Variants in NDST3 observed in about 807,000 individuals in gnomAD.
NDST3 encodes N-deacetylase and N-sulfotransferase 3, also known as bifunctional heparan sulfate N-deacetylase/N-sulfotransferase 3.
A neutral mutation model predicts 96.1 loss-of-function variants in NDST3; 58 were observed. That is an observed-to-expected ratio of 0.60 (90% CI 0.49 to 0.75). The LOEUF (loss-of-function observed/expected upper bound fraction) is 0.75, where lower values mean the gene tolerates loss of function less well. NDST3 is among the 30% of genes least tolerant of loss of function. The pLI, the probability that NDST3 is intolerant of heterozygous loss-of-function variation, is 0.00. For missense variants in NDST3, 788 were observed against 1,034.2 expected, an observed-to-expected ratio of 0.76 and a Z score of 3.27; for synonymous variants, 333 against 359.7, an observed-to-expected ratio of 0.93 and a Z score of 0.84.
intron 4 of NDST3, among the ~76,000 whole-genome samples, chr4:118,115,583 T>C (rs1026148186): frequency 3.9e-5 from 6 of 152,186 alleles, no homozygotes; most frequent in African/African-American, 1.4e-4. Context: ...GGATGGAACA[T>C]TTGTTTGGCT....
chr4:118,051,420 A>T (rs1725069725), intron 1 of NDST3, among the ~76,000 whole-genome samples: 1 of 152,174 alleles, frequency 6.6e-6, no homozygotes, highest in African/African-American at 2.4e-5. Context: ...ACCTAATTAA[A>T]CTAAAGAGCT....
chr4:118,081,269 T>C (rs921087984), intron 2 of NDST3, among the ~76,000 whole-genome samples: 2 of 152,174 alleles, frequency 1.3e-5, no homozygotes, highest in African/African-American at 2.4e-5. Context: ...TATATTAGTT[T>C]CCTTATCTCT....
intron 12 of NDST3, among the ~76,000 whole-genome samples, chr4:118,251,271 C>T (rs1039571123): frequency 7.3e-5 from 11 of 150,844 alleles, no homozygotes; most frequent in South Asian, 4.2e-4. Context: ...GGACTACAGG[C>T]GCCTGCCACC....
At chr4:118,206,502 G>T (rs1738452009) in intron 6 of NDST3, among the ~76,000 whole-genome samples, 1 of 144,444 alleles carries the variant, frequency 6.9e-6, no homozygotes, top group African/African-American at 2.6e-5. Context: ...CTGGAATATA[G>T]GGTGTATGTG....
At chr4:118,252,457 T>C (rs1346154214) in intron 12 of NDST3, among the ~76,000 whole-genome samples, 1 of 152,202 alleles carries the variant, frequency 6.6e-6, no homozygotes, top group East Asian at 1.9e-4. Flanking sequence ...CTAAATGCTA[T>C]AAAATGGGAA....
intron 6 of NDST3, among the ~76,000 whole-genome samples, chr4:118,182,666 T>A (rs1314739107): frequency 6.6e-6 from 1 of 152,150 alleles, no homozygotes; most frequent in African/African-American, 2.4e-5. Flanking sequence ...AAGCCAACAC[T>A]TTGCACTTTC....
At chr4:118,045,457 T>TGA (rs1369733512) in intron 1 of NDST3, among the ~76,000 whole-genome samples, 1 of 152,224 alleles carries the variant, frequency 6.6e-6, no homozygotes, top group African/African-American at 2.4e-5. Flanking sequence ...TTAAATAGCA[T>TGA]GAGAGCTACC....
intron 3 of NDST3, among the ~76,000 whole-genome samples, chr4:118,114,188 T>G (rs1467320572): frequency 6.6e-6 from 1 of 152,212 alleles, no homozygotes; most frequent in Non-Finnish European, 1.5e-5. Flanking sequence ...CAGCTTGGAT[T>G]GTTTTGATAG....
intron 3 of NDST3, among the ~76,000 whole-genome samples, chr4:118,111,722 G>T (rs1030742716): frequency 2.0e-5 from 3 of 151,974 alleles, no homozygotes; most frequent in Non-Finnish European, 4.4e-5. Flanking sequence ...TGTATTTTTA[G>T]TAGAGATGGG....
chr4:118,082,175 G>A (rs1040790486), intron 2 of NDST3, among the ~76,000 whole-genome samples: 5 of 151,874 alleles, frequency 3.3e-5, no homozygotes, highest in Non-Finnish European at 4.4e-5. Flanking sequence ...TTACATCCTC[G>A]TGCCAATGCT....
At chr4:118,092,277 G>T (rs1287738604) in intron 2 of NDST3, among the ~76,000 whole-genome samples, 1 of 151,334 alleles carries the variant, frequency 6.6e-6, no homozygotes, top group African/African-American at 2.4e-5. Context: ...ACTTGCCAAG[G>T]GGAAAAGTTA....
chr4:118,131,598 G>A (rs1286343266), intron 4 of NDST3, among the ~76,000 whole-genome samples: 2 of 152,184 alleles, frequency 1.3e-5, no homozygotes, highest in South Asian at 4.2e-4. Context: ...ATTGGTCTCT[G>A]ATGCCTTATT....
intron 6 of NDST3, among the ~76,000 whole-genome samples, chr4:118,213,461 A>G (rs1247177744): frequency 1.3e-5 from 2 of 152,196 alleles, no homozygotes; most frequent in East Asian, 3.8e-4. Context: ...GATGATGACC[A>G]ATCCAGTGTT....
chr4:118,055,109 C>T (rs2110450737), intron 2 of NDST3: 1 of 606,678 alleles, frequency 1.6e-6, no homozygotes, highest in Non-Finnish European at 2.8e-6. Flanking sequence ...TTGAGTGTGG[C>T]AGGATCCTGA....
At chr4:118,179,822 A>C (rs556128733) in intron 6 of NDST3, among the ~76,000 whole-genome samples, 20 of 152,082 alleles carry the variant, frequency 1.3e-4, no homozygotes, top group Non-Finnish European at 2.4e-4. Flanking sequence ...AGTTGTGAAT[A>C]AGTCTCAATT....
intron 6 of NDST3, among the ~76,000 whole-genome samples, chr4:118,165,938 T>C (rs11942654): frequency 0.074 from 11,174 of 151,904 alleles, 924 homozygotes; most frequent in African/African-American, 0.2. Context: ...TTTATAGTGA[T>C]AAATGTCTAC....
At position 118,060,803 on chromosome 4, in the gene NDST3, G is replaced by T. The variant is rs1024685662; in HGVS notation, c.981+5912G>T. Among the ~76,000 whole-genome samples the T allele has an allele frequency of 4.9e-4, 74 of 151,860 alleles. 1 individual carries two copies. Among genetic ancestry groups the T allele is most frequent in the Admixed American group, 4.4e-3 (67 of 15,224 alleles). ...CAATATCTTCATACCTCAGTCAAAA[G>T]GTACAAAGTTCTTTATCTCCAATAA... On this transcript the variant is annotated intron_variant, in intron 2 of 13. Coordinates refer to ENST00000296499, the MANE Select transcript of NDST3 (RefSeq NM_004784.3).
At chr4:118,215,611 G>A (rs1009547934) in intron 6 of NDST3, among the ~76,000 whole-genome samples, 7 of 138,256 alleles carry the variant, frequency 5.1e-5, no homozygotes, top group Non-Finnish European at 1.0e-4. Flanking sequence ...ATGTTTTCGG[G>A]TATGAGGGAA....
intron 3 of NDST3, among the ~76,000 whole-genome samples, chr4:118,111,479 C>T (rs1578658333): frequency 6.6e-6 from 1 of 151,942 alleles, no homozygotes; most frequent in Non-Finnish European, 1.5e-5. Flanking sequence ...CCACGACAGT[C>T]CAACCAAATG....
Sources: gnomAD v4.1 joint callset for allele counts (sites outside exome capture counted in the v4.1 genomes callset) on GRCh38, gnomAD v4.1.1 for gene constraint, MANE v1.5 for transcripts, NCBI Gene and HGNC (gene_info 2026-07-23, HGNC 2026-07-21) for gene names.